Variants in MTSS1 observed in about 807,000 individuals in gnomAD.
The protein encoded by MTSS1 is protein MTSS 1.
In MTSS1, 18 loss-of-function variants were observed where a neutral mutation model predicts 79.0. That is an observed-to-expected ratio of 0.23 (90% CI 0.16 to 0.34). The LOEUF is 0.34. MTSS1 is among the 10% of genes least tolerant of loss of function. The probability of loss-of-function intolerance (pLI) is 1.00; values close to 1 mark genes in which losing one functional copy is unlikely to be tolerated. For synonymous variants in MTSS1, 341 were observed against 368.6 expected (o/e 0.93, Z 0.86); for missense variants, 815 against 986.2 (o/e 0.83, Z 2.33).
intron 4 of MTSS1, among the ~76,000 whole-genome samples, chr8:124,590,155 C>T (rs1831601989): frequency 6.6e-6 from 1 of 152,158 alleles, no homozygotes; most frequent in East Asian, 1.9e-4. Flanking sequence ...GCGCCTGGCC[C>T]CAAGAATGTT....
At chr8:124,593,790 T>C (rs993598104) in intron 3 of MTSS1, among the ~76,000 whole-genome samples, 2 of 152,204 alleles carry the variant, frequency 1.3e-5, no homozygotes, top group Non-Finnish European at 2.9e-5. Context: ...AACTCAAACC[T>C]AGGCTTAAGC....
intron 3 of MTSS1, among the ~76,000 whole-genome samples, chr8:124,607,403 T>C (rs769206027): frequency 3.9e-5 from 6 of 152,224 alleles, no homozygotes; most frequent in Non-Finnish European, 5.9e-5. Context: ...TCTCTTCAAT[T>C]TCTATCTCAA....
At chr8:124,707,339 G>A (rs1464123635) in intron 1 of MTSS1, among the ~76,000 whole-genome samples, 3 of 151,380 alleles carry the variant, frequency 2.0e-5, no homozygotes, top group African/African-American at 7.3e-5. Flanking sequence ...TTGAGCCCAG[G>A]AGTTCAAGAC....
At chr8:124,719,671 T>C (rs117469361) in intron 1 of MTSS1, among the ~76,000 whole-genome samples, 248 of 152,336 alleles carry the variant, frequency 1.6e-3, no homozygotes, top group South Asian at 2.3e-3. Flanking sequence ...ATGTTGAATG[T>C]TGAAAAGCAC....
chr8:124,650,468 AG>A (rs973997558), intron 3 of MTSS1, among the ~76,000 whole-genome samples: 17 of 152,332 alleles, frequency 1.1e-4, no homozygotes, highest in Admixed American at 9.8e-4. Context: ...GGCGCAGGGC[AG>A]GGACCTGACA....
intron 3 of MTSS1, among the ~76,000 whole-genome samples, chr8:124,644,423 T>A (rs1818638142): frequency 6.6e-6 from 1 of 152,206 alleles, no homozygotes; most frequent in South Asian, 2.1e-4. Context: ...CACACCAAGC[T>A]CATTCCACAA....
chr8:124,597,711 G>A lies in MTSS1; in HGVS notation c.209-6476C>T, dbSNP rs1179584968. On this transcript the variant is annotated intron_variant, in intron 3 of 13. Coordinates refer to ENST00000518547, the MANE Select transcript of MTSS1 (RefSeq NM_014751.6). The surrounding 1 kb of genome is among the most constrained non-coding windows in gnomAD (Gnocchi z 4.6). The stretch of plus-strand genomic sequence containing the variant: ...TTTTGTCAGGCCCAGCTTCTGCAGC[G>A]TGGAGGGGAAGGGCTGAGGAAGCCA... 1.3e-5 allele frequency among the ~76,000 whole-genome samples: 2 copies of A among 152,220 alleles called. No homozygotes were observed. Among genetic ancestry groups the A allele is most frequent in the Admixed American group, 6.5e-5 (1 of 15,294 alleles).
chr8:124,674,432 C>T (rs914933937), intron 3 of MTSS1, among the ~76,000 whole-genome samples: 10 of 152,172 alleles, frequency 6.6e-5, no homozygotes, highest in South Asian at 6.2e-4. Context: ...GTACTTGGTC[C>T]GCCTCCTGGT....
At chr8:124,668,259 G>C (rs1428672793) in intron 3 of MTSS1, among the ~76,000 whole-genome samples, 1 of 152,206 alleles carries the variant, frequency 6.6e-6, no homozygotes, top group African/African-American at 2.4e-5. Context: ...TCAGTTCCAC[G>C]TGCCCTGTCT....
intron 3 of MTSS1, among the ~76,000 whole-genome samples, chr8:124,633,269 G>T (rs1469456014): frequency 1.3e-5 from 2 of 152,050 alleles, no homozygotes; most frequent in Non-Finnish European, 2.9e-5. Flanking sequence ...ATAATTTTAT[G>T]TTTGGTCAAA....
At chr8:124,583,185 C>T (rs1242771426) in intron 6 of MTSS1, among the ~76,000 whole-genome samples, 1 of 152,164 alleles carries the variant, frequency 6.6e-6, no homozygotes, top group Non-Finnish European at 1.5e-5. Context: ...GCTGAGAAGA[C>T]AGATGCTTCA....
rs541373363 is a variant in MTSS1, at chr8:124,640,090, T to A, written c.209-48855A>T. 5.3e-5 allele frequency among the ~76,000 whole-genome samples: 8 copies of A among 152,368 alleles called. No homozygotes were observed. The East Asian group carries it at 1.5e-3, about 29-fold the overall frequency. On this transcript the variant is annotated intron_variant, in intron 3 of 13. Coordinates refer to ENST00000518547, the MANE Select transcript of MTSS1 (RefSeq NM_014751.6). ...TGCTGGACAGTTGTCCATCTCATTTTACATTTTACAGAGGAGGAAACTGAA... is the reference window on the plus strand; with the variant it reads ...TGCTGGACAGTTGTCCATCTCATTTAACATTTTACAGAGGAGGAAACTGAA...
rs1277028381 is a variant in MTSS1, at chr8:124,614,094, G to A, written c.209-22859C>T. Among the ~76,000 whole-genome samples, 3 of 149,792 alleles carry A rather than the reference G, an allele frequency of 2.0e-5. No homozygotes were observed. The East Asian group carries it at 5.9e-4, about 29-fold the overall frequency. The stretch of plus-strand genomic sequence containing the variant: ...TGGGAGGATGGTTTAAGCCCAATAG[G>A]CTGAGGCTGTAATGAGCCATGATCA... On this transcript the variant is annotated intron_variant, in intron 3 of 13. Transcript: ENST00000518547.
intron 3 of MTSS1, among the ~76,000 whole-genome samples, chr8:124,604,985 G>A (rs903270388): frequency 6.6e-6 from 1 of 152,202 alleles, no homozygotes; most frequent in East Asian, 1.9e-4. Context: ...AAAGCAAAGC[G>A]AGAATGGTAA....
At chr8:124,627,206 T>C (rs531305894) in intron 3 of MTSS1, among the ~76,000 whole-genome samples, 4 of 152,290 alleles carry the variant, frequency 2.6e-5, no homozygotes, top group African/African-American at 9.6e-5. Context: ...CTCTGAGCTA[T>C]CTAAAAAACT....
chr8:124,599,570 GCA>G (rs1833415606), intron 3 of MTSS1, among the ~76,000 whole-genome samples: 1 of 151,936 alleles, frequency 6.6e-6, no homozygotes, highest in South Asian at 2.1e-4. Context: ...TGGTTCCTGG[GCA>G]CATAACTACC....
chr8:124,671,482 C>T (rs1363849920), intron 3 of MTSS1, among the ~76,000 whole-genome samples: 1 of 152,190 alleles, frequency 6.6e-6, no homozygotes, highest in African/African-American at 2.4e-5. Context: ...GTCTCGCCCT[C>T]CTGGCTGCCT....
intron 3 of MTSS1, 102 bp downstream of exon 3, chr8:124,699,424 A>G (rs1829372477): frequency 9.8e-7 from 1 of 1,023,394 alleles, no homozygotes; most frequent in Non-Finnish European, 1.5e-6. Context: ...GAGTCAGCTC[A>G]GCTCTGATAA....
At chr8:124,624,432 C>T (rs1339104508) in intron 3 of MTSS1, among the ~76,000 whole-genome samples, 1 of 152,138 alleles carries the variant, frequency 6.6e-6, no homozygotes, top group Non-Finnish European at 1.5e-5. Flanking sequence ...GCAGCCTAGA[C>T]TCAGGTTGAC....
Sources: gnomAD v4.1 joint callset for allele counts (sites outside exome capture counted in the v4.1 genomes callset) on GRCh38, gnomAD v4.1.1 for gene constraint, Gnocchi (gnomAD v3.1) non-coding constraint, MANE v1.5 for transcripts, NCBI Gene and HGNC (gene_info 2026-07-23, HGNC 2026-07-21) for gene names.